The following ARSG variants were observed in gnomAD, a reference collection of about 807,000 sequenced individuals.
The protein encoded by ARSG is ASG.
A neutral mutation model predicts 50.5 loss-of-function variants in ARSG; 37 were observed. That is an observed-to-expected ratio of 0.73 (90% CI 0.56 to 0.96). The LOEUF (loss-of-function observed/expected upper bound fraction) is 0.96. Among genes scored for constraint, ARSG ranks in the 50% least tolerant of loss-of-function variants. The probability of loss-of-function intolerance (pLI) is 0.00; values close to 1 mark genes in which losing one functional copy is unlikely to be tolerated. For synonymous variants in ARSG, 225 were observed against 254.6 expected (o/e 0.88, Z 1.11); for missense variants, 629 against 675.3 (o/e 0.93, Z 0.76).
chr17:68,321,451 C>G (rs1180948962), intron 2 of ARSG, among the ~76,000 whole-genome samples: 2 of 152,160 alleles, frequency 1.3e-5, no homozygotes, highest in Non-Finnish European at 2.9e-5. Flanking sequence ...TCTCCCAACC[C>G]TGTCCCTTTA....
intron 1 of ARSG, among the ~76,000 whole-genome samples, chr17:68,301,044 G>T (rs530609844): frequency 6.6e-6 from 1 of 151,628 alleles, no homozygotes; most frequent in East Asian, 1.9e-4. Context: ...TGTGAACCTG[G>T]AAGGCGGAGC....
chr17:68,305,192 T>C (rs2076562297), intron 1 of ARSG, among the ~76,000 whole-genome samples: 1 of 152,216 alleles, frequency 6.6e-6, no homozygotes, highest in African/African-American at 2.4e-5. Context: ...TTAAGTGAAC[T>C]AGAGCTAATC....
intron 5 of ARSG, among the ~76,000 whole-genome samples, chr17:68,353,674 A>G (rs758680720): frequency 6.6e-6 from 1 of 152,158 alleles, no homozygotes; most frequent in Non-Finnish European, 1.5e-5. Flanking sequence ...TATGTCAGCC[A>G]ATCTCTTTTT....
intron 6 of ARSG, among the ~76,000 whole-genome samples, chr17:68,364,244 C>T (rs542973814): frequency 1.4e-4 from 21 of 152,240 alleles, no homozygotes; most frequent in African/African-American, 5.1e-4. Flanking sequence ...CTCACCATTC[C>T]ACTTGTTTTC....
chr17:68,364,290 G>A (rs1282347585), intron 6 of ARSG, among the ~76,000 whole-genome samples: 2 of 151,846 alleles, frequency 1.3e-5, no homozygotes, highest in Non-Finnish European at 1.5e-5. Context: ...TAGTAATCTC[G>A]GAAAACTGAG....
chr17:68,291,780 C>A (rs2076003261), intron 1 of ARSG, among the ~76,000 whole-genome samples: 1 of 151,652 alleles, frequency 6.6e-6, no homozygotes, highest in Non-Finnish European at 1.5e-5. Context: ...GGCGCGAGCG[C>A]GCGGGTCCCC....
intron 11 of ARSG, among the ~76,000 whole-genome samples, chr17:68,417,562 A>G (rs1488355556): frequency 1.3e-5 from 2 of 151,676 alleles, no homozygotes; most frequent in Non-Finnish European, 2.9e-5. Flanking sequence ...TGTCAATTAC[A>G]GTTCAGGGCT....
chr17:68,427,630 A>G (rs371274525), downstream of ARSG: 1 of 177,364 alleles, frequency 5.6e-6, no homozygotes, highest in East Asian at 1.7e-4. Flanking sequence ...TAAATTGTAG[A>G]CCTACCCACA....
At chr17:68,426,251 G>GGGGC, downstream of ARSG, 2 of 825,458 alleles carry the variant, frequency 2.4e-6, no homozygotes, top group South Asian at 1.3e-5. Flanking sequence ...GTGGGGAGCG[G>GGGGC]GGGCTCAAAT....
At chr17:68,385,974 C>G (rs2080704387) in intron 9 of ARSG, among the ~76,000 whole-genome samples, 1 of 152,190 alleles carries the variant, frequency 6.6e-6, no homozygotes, top group Non-Finnish European at 1.5e-5. Context: ...AGACATTCCT[C>G]CTGCCTCTGG....
rs1292602338 is a variant in ARSG, at chr17:68,367,632, G to A, written c.705-916G>A. Among the ~76,000 whole-genome samples the A allele has an allele frequency of 6.6e-6, 1 of 152,158 alleles. No homozygotes were observed. The highest frequency in any genetic ancestry group is 1.5e-5 in the Non-Finnish European group (1 of 68,030). ...CAGCTCCCTCCAAGCCTTTCATTCT[G>A]CACTTTCCAGGGAAATCAGGATGAG... On this transcript the variant is annotated intron_variant, in intron 6 of 11. Coordinates refer to ENST00000621439, the MANE Select transcript of ARSG (RefSeq NM_001267727.2). The surrounding 1 kb of genome is among the most constrained non-coding windows in gnomAD (Gnocchi z 4.5).
At chr17:68,366,581 C>G (rs1413727473) in intron 6 of ARSG, among the ~76,000 whole-genome samples, 1 of 152,030 alleles carries the variant, frequency 6.6e-6, no homozygotes, top group African/African-American at 2.4e-5. Flanking sequence ...AAAAACTAGG[C>G]AAGAATGGAG....
chr17:68,385,810 G>T (rs892260335), intron 9 of ARSG, among the ~76,000 whole-genome samples: 3 of 152,126 alleles, frequency 2.0e-5, no homozygotes, highest in African/African-American at 7.2e-5. Flanking sequence ...TGGGGTTAAG[G>T]CAGGTGTCTT....
chr17:68,351,508 G>C (rs975651108), intron 4 of ARSG, 67 bp from the exon 5 acceptor site: 2 of 817,030 alleles, frequency 2.4e-6, no homozygotes, highest in African/African-American at 3.4e-5. Context: ...TTTTGTCGTG[G>C]GTGTACAAAG....
intron 6 of ARSG, among the ~76,000 whole-genome samples, chr17:68,361,546 C>A (rs546066056): frequency 1.4e-4 from 22 of 151,952 alleles, no homozygotes; most frequent in African/African-American, 5.3e-4. Flanking sequence ...AGACCACCCC[C>A]ATCTCTACAA....
chr17:68,333,907 C>T (rs1043610245), intron 2 of ARSG, among the ~76,000 whole-genome samples: 4 of 152,206 alleles, frequency 2.6e-5, no homozygotes, highest in African/African-American at 9.6e-5. Flanking sequence ...GGTCCCAATA[C>T]GTGTGGCTGC....
chr17:68,324,070 CAAAAAAAAA>C lies in ARSG; in HGVS notation c.218+16372_218+16380del, dbSNP rs57040262. Among the ~76,000 whole-genome samples, 59 of 89,826 alleles carry C rather than the reference CAAAAAAAAA, an allele frequency of 6.6e-4. 1 individual carries two copies. The highest frequency in any genetic ancestry group is 1.5e-3 in the African/African-American group (36 of 23,478). 58.9% of individuals were successfully genotyped at this position (89,826 alleles called of 152,430 possible). A position where few individuals can be genotyped will look rare whatever the true frequency, so the allele number is the denominator to read the frequency against. On this transcript the variant is annotated intron_variant, in intron 2 of 11. Coordinates refer to ENST00000621439, the MANE Select transcript of ARSG (RefSeq NM_001267727.2). ...CCTGGTTAACAGAGCAAAACTCCAT[CAAAAAAAAA>C]AAAAAAAAAAAAGTTAATCTACAGT...
rs1369763255 is a variant in ARSG at position 68,381,220 on chromosome 17, C to T, written c.983-3844C>T. 2.0e-5 allele frequency among the ~76,000 whole-genome samples: 3 copies of T among 152,210 alleles called. No individual in the cohort carries two copies. Among genetic ancestry groups the T allele is most frequent in the South Asian group, 2.1e-4 (1 of 4,830 alleles). On this transcript the variant is annotated intron_variant, in intron 8 of 11. Coordinates refer to ENST00000621439, the MANE Select transcript of ARSG (RefSeq NM_001267727.2). The surrounding 1 kb of genome is among the most constrained non-coding windows in gnomAD (Gnocchi z 4.1). ...AGTGGTGAGTCTTCCCCGGCCTGCC[C>T]CTGTCTTCATGCATCATAAAATGCC...
At chr17:68,421,141 C>G (rs145932475), downstream of ARSG, 4 of 154,688 alleles carry the variant, frequency 2.6e-5, no homozygotes, top group Non-Finnish European at 5.7e-5. Flanking sequence ...TCAGAGCAGA[C>G]GAGTCCATGG....
Sources: allele counts gnomAD v4.1 joint callset (sites outside exome capture counted in the v4.1 genomes callset), GRCh38; gene constraint gnomAD v4.1.1; non-coding constraint Gnocchi (gnomAD v3.1); transcripts MANE v1.5; gene names NCBI Gene and HGNC (gene_info 2026-07-23, HGNC 2026-07-21).